KIFC3: variants seen among roughly 807,000 people sequenced by gnomAD.
KIFC3 encodes the protein kinesin-like protein KIFC3.
In KIFC3, 60 loss-of-function variants were observed where a neutral mutation model predicts 101.8. That is an observed-to-expected ratio of 0.59 (90% CI 0.48 to 0.73). KIFC3 has a LOEUF of 0.73. KIFC3 is among the 30% of genes least tolerant of loss of function. The probability of loss-of-function intolerance (pLI) is 0.00; values close to 1 mark genes in which losing one functional copy is unlikely to be tolerated. For missense variants in KIFC3, 966 were observed against 1,137.1 expected (o/e 0.85, Z 2.16); for synonymous variants, 476 against 482.7 (o/e 0.99, Z 0.18).
intron 3 of KIFC3, among the ~76,000 whole-genome samples, chr16:57,773,549 C>T (rs934881479): frequency 2.0e-5 from 3 of 152,104 alleles, no homozygotes; most frequent in Non-Finnish European, 4.4e-5. Context: ...AGCTGTAATC[C>T]GGGGGGTTAG....
chr16:57,828,753 G>A (rs1381088526), intron 1 of KIFC3, among the ~76,000 whole-genome samples: 1 of 152,056 alleles, frequency 6.6e-6, no homozygotes, highest in African/African-American at 2.4e-5. Flanking sequence ...CTGAGTAACA[G>A]CCCACTCCCT....
chr16:57,805,145 A>C (rs782345644), upstream of KIFC3, among the ~76,000 whole-genome samples: 3 of 150,232 alleles, frequency 2.0e-5, no homozygotes, highest in Non-Finnish European at 3.0e-5. Flanking sequence ...TCAGTTTTTT[A>C]AAAAGAATAT....
chr16:57,861,810 G>A (rs369699782), intron 1 of KIFC3, among the ~76,000 whole-genome samples: 3 of 152,236 alleles, frequency 2.0e-5, no homozygotes, highest in South Asian at 2.1e-4. Flanking sequence ...TTAGCCGGGC[G>A]TGATGGTGTG....
In KIFC3 at chr16:57,758,422, C is replaced by T. The variant is rs545884486; in HGVS notation, c.*512G>A. On this transcript the variant is annotated 3_prime_UTR_variant, in exon 20 of 20. Coordinates refer to ENST00000445690, the MANE Select transcript of KIFC3 (RefSeq NM_001130100.2). ...GCGGGAGGCCATGCGCCTCCGCACACCCCCCAGCTGCGGGAACCCTCCTTG... is the reference window on the plus strand; with the variant it reads ...GCGGGAGGCCATGCGCCTCCGCACATCCCCCAGCTGCGGGAACCCTCCTTG... 47 of 354,808 alleles carry T rather than the reference C, an allele frequency of 1.3e-4. 2 individuals are homozygous for T. The highest frequency in any genetic ancestry group is 2.0e-3 in the Middle Eastern group (2 of 1,022). The allele number at this position is 354,808 out of a possible 1,614,324, so 22.0% of individuals were successfully genotyped here. A position where few individuals can be genotyped will look rare whatever the true frequency, so the allele number is the denominator to read the frequency against.
chr16:57,804,884 T>C (rs1555626601), upstream of KIFC3, among the ~76,000 whole-genome samples: 1 of 148,796 alleles, frequency 6.7e-6, no homozygotes, highest in Non-Finnish European at 1.5e-5. Flanking sequence ...TGTGAAGATG[T>C]GAATCACTGT....
Position 57,849,662 on chromosome 16 carries a change from G to T in KIFC3, c.108+13067C>A, listed in dbSNP as rs563071646. Among the ~76,000 whole-genome samples the T allele has an allele frequency of 7.3e-5, 11 of 151,476 alleles. No homozygotes were observed. In the South Asian group the frequency reaches 2.3e-3, roughly 32 times the overall value. ...TGATGCCTGTAATTCCAGCACTTTG[G>T]GAGGCCGAGGCAGGCAGATCATCTG... On this transcript the variant is annotated intron_variant, in intron 1 of 2. Transcript: ENST00000563028.
intron 1 of KIFC3, among the ~76,000 whole-genome samples, chr16:57,847,275 G>GGAA (rs1783830484): frequency 3.7e-5 from 5 of 135,064 alleles, no homozygotes; most frequent in African/African-American, 1.4e-4. Flanking sequence ...AGGAAGGGAA[G>GGAA]GGAGGGAGGG....
At chr16:57,772,193 C>A (rs781907952) in intron 4 of KIFC3, 30 bp downstream of exon 4, 9 of 1,602,332 alleles carry the variant, frequency 5.6e-6, no homozygotes, top group African/African-American at 2.7e-5. Flanking sequence ...CCAGGCCCTG[C>A]GCTACCCCAG....
chr16:57,765,589 T>A lies in KIFC3; in HGVS notation c.1382A>T (p.Glu461Val). The A allele has an allele frequency of 6.2e-7, 1 of 1,611,348 alleles. No homozygotes were observed. Among genetic ancestry groups the A allele is most frequent in the Admixed American group, 1.7e-5 (1 of 59,740 alleles). The change falls in exon 11 of 20, where the codon GAA (glutamate) becomes GTA (valine). Residue 461 changes from glutamate (E) to valine (V), a missense_variant. Around this residue, in one of 2 missense-constraint regions of KIFC3, gnomAD observed 689 missense variants for 884.6 expected, o/e 0.78. Transcript: ENST00000445690. ...RVRPVTKEDG[E>V]GPEATNAVTF... is the part of the protein sequence containing the mutation. Reference sequence around the variant, plus strand: ...CACAGCATTGGTGGCCTCAGGTCCTTCCCCATCCTCTTTGGTGACTGGCCG... The same window carrying A: ...CACAGCATTGGTGGCCTCAGGTCCTACCCCATCCTCTTTGGTGACTGGCCG...
intron 1 of KIFC3, chr16:57,813,828 G>A (rs2055152439): frequency 5.1e-6 from 5 of 985,416 alleles, no homozygotes; most frequent in Non-Finnish European, 4.8e-6. Context: ...ACAGCCTGAA[G>A]ACAGAACCCC....
intron 1 of KIFC3, among the ~76,000 whole-genome samples, chr16:57,854,087 G>A (rs1237892502): frequency 6.6e-6 from 1 of 151,884 alleles, no homozygotes; most frequent in African/African-American, 2.4e-5. Flanking sequence ...GACCACAGGT[G>A]CACACCATCA....
intron 3 of KIFC3, among the ~76,000 whole-genome samples, chr16:57,777,259 G>A (rs1555612257): frequency 6.6e-6 from 1 of 152,132 alleles, no homozygotes; most frequent in African/African-American, 2.4e-5. Context: ...TATTGATAAG[G>A]TGTCAGTACT....
chr16:57,777,316 A>T (rs782483508), intron 3 of KIFC3, among the ~76,000 whole-genome samples: 32 of 152,242 alleles, frequency 2.1e-4, no homozygotes, highest in Non-Finnish European at 7.3e-5. Context: ...CAAAATCCCA[A>T]TGACATTTTC....
intron 1 of KIFC3, among the ~76,000 whole-genome samples, chr16:57,861,259 T>TA (rs1236762392): frequency 1.3e-5 from 2 of 152,162 alleles, no homozygotes; most frequent in African/African-American, 4.8e-5. Flanking sequence ...CTTTATTTGG[T>TA]AAGTTAGCAT....
intron 17 of KIFC3, chr16:57,760,073 C>T (rs1244988048): frequency 7.6e-6 from 5 of 654,086 alleles, no homozygotes; most frequent in East Asian, 5.5e-5. Flanking sequence ...ACGGCCAGCT[C>T]GTCACCCCAC....
intron 1 of KIFC3, among the ~76,000 whole-genome samples, chr16:57,834,026 C>T (rs1387026438): frequency 4.6e-5 from 7 of 151,782 alleles, no homozygotes; most frequent in African/African-American, 1.7e-4. Flanking sequence ...CCACGCCCGG[C>T]TACTTTTTTG....
intron 1 of KIFC3, chr16:57,862,630 C>T: frequency 3.1e-6 from 1 of 323,384 alleles, no homozygotes; most frequent in Non-Finnish European, 6.2e-6. Context: ...ATCCCAATCA[C>T]TGTTTTTCAA....
intron 16 of KIFC3, 69 bp downstream of exon 16, chr16:57,760,657 G>C (rs2049734922): frequency 1.4e-6 from 2 of 1,400,986 alleles, no homozygotes; most frequent in East Asian, 4.6e-5. Context: ...AGCCTGGGGT[G>C]ACTGGGTCTC....
intron 13 of KIFC3, among the ~76,000 whole-genome samples, 160 bp downstream of exon 13, chr16:57,761,980 T>TC (rs1441584828): frequency 1.3e-5 from 2 of 151,906 alleles, no homozygotes; most frequent in African/African-American, 4.8e-5. Flanking sequence ...CCACTTCCTA[T>TC]CCCCCATTGC....
Sources: gnomAD v4.1 joint callset for allele counts (sites outside exome capture counted in the v4.1 genomes callset) on GRCh38, gnomAD v4.1.1 for gene constraint, gnomAD v4.1.1 regional missense constraint, MANE v1.5 for transcripts, NCBI Gene and HGNC (gene_info 2026-07-23, HGNC 2026-07-21) for gene names.